WDR76: variants seen among roughly 807,000 people sequenced by gnomAD.
WDR76 encodes WD repeat-containing protein 76.
In WDR76, 52 loss-of-function variants were observed where a neutral mutation model predicts 70.2. The ratio of observed to expected loss-of-function variants is 0.74; its 90% CI spans 0.59 to 0.93. The LOEUF is 0.93. Ranked by LOEUF, WDR76 falls within the 40% of genes least tolerant of loss-of-function variation. WDR76 has a pLI of 0.00. For synonymous variants in WDR76, 292 were observed against 271.1 expected, an observed-to-expected ratio of 1.08 and a Z score of -0.76; for missense variants, 756 against 760.2, an observed-to-expected ratio of 0.99 and a Z score of 0.07.
chr15:43,833,179 T>C (rs1192327942), intron 2 of WDR76, among the ~76,000 whole-genome samples: 1 of 152,108 alleles, frequency 6.6e-6, no homozygotes, highest in Non-Finnish European at 1.5e-5. Context: ...ACTATTATTT[T>C]TTAGAGATGG....
At chr15:43,837,207 T>C (rs1346729513) in intron 4 of WDR76, among the ~76,000 whole-genome samples, 1 of 152,226 alleles carries the variant, frequency 6.6e-6, no homozygotes, top group Non-Finnish European at 1.5e-5. Context: ...TTGGTATCAT[T>C]AGCTCATTTG....
Position 43,866,542 on chromosome 15 carries a change from T to C in WDR76, c.*150T>C. ...AATAAGACTATAAGAAGAGTGTACT[T>C]TTAGTAAGGGAGAAGTCTTGGAGGG... On this transcript the variant is annotated 3_prime_UTR_variant, in exon 13 of 13. Transcript: ENST00000263795. 1 of 952,336 alleles carries C rather than the reference T, an allele frequency of 1.1e-6. No homozygotes were observed. The allele number at this position is 952,336 out of a possible 1,614,324, so 59.0% of individuals were successfully genotyped here. A position where few individuals can be genotyped will look rare whatever the true frequency, so the allele number is the denominator to read the frequency against.
At chr15:43,851,877 C>T (rs2087864271) in intron 9 of WDR76, among the ~76,000 whole-genome samples, 1 of 151,810 alleles carries the variant, frequency 6.6e-6, no homozygotes, top group African/African-American at 2.4e-5. Context: ...CAAGATCAGC[C>T]TGGGCAACAT....
At chr15:43,861,519 C>A in intron 12 of WDR76, 133 bp downstream of exon 12, 1 of 895,762 alleles carries the variant, frequency 1.1e-6, no homozygotes, top group Non-Finnish European at 1.7e-6. Context: ...ATAAGTGTCC[C>A]AGTTTGCTAG....
rs1298489184 is a variant in WDR76, at chr15:43,852,662, T to G, written c.1191+1417T>G. Reference sequence around the variant, plus strand: ...TGGGATTACAGCGTGAGCCACTGTGTGTGGTCAGATTTGCCTCTTCTGGAC... The same window carrying G: ...TGGGATTACAGCGTGAGCCACTGTGGGTGGTCAGATTTGCCTCTTCTGGAC... On this transcript the variant is annotated intron_variant, in intron 9 of 12. Coordinates refer to ENST00000263795, the MANE Select transcript of WDR76 (RefSeq NM_024908.4). 2.6e-5 allele frequency among the ~76,000 whole-genome samples: 4 copies of G among 151,950 alleles called. No individual in the cohort carries two copies. In the East Asian group the frequency reaches 7.7e-4, roughly 29 times the overall value.
chr15:43,853,416 C>G (rs1396081890), intron 9 of WDR76, among the ~76,000 whole-genome samples: 1 of 151,884 alleles, frequency 6.6e-6, no homozygotes, highest in African/African-American at 2.4e-5. Context: ...GTCTCAAACT[C>G]CTGAGCTCAA....
At chr15:43,862,464 C>T (rs1201162939) in intron 12 of WDR76, among the ~76,000 whole-genome samples, 2 of 150,050 alleles carry the variant, frequency 1.3e-5, no homozygotes, top group Non-Finnish European at 3.0e-5. Context: ...ATTACAGGTG[C>T]ACGCCACCCT....
chr15:43,835,038 A>T, intron 2 of WDR76, 23 bp from the exon 3 acceptor site: 1 of 1,598,020 alleles, frequency 6.3e-7, no homozygotes. Context: ...AAGTAATGGA[A>T]TCTTTTTGGT....
intron 5 of WDR76, among the ~76,000 whole-genome samples, chr15:43,840,978 T>C (rs990537543): frequency 1.2e-4 from 18 of 151,590 alleles, no homozygotes; most frequent in Admixed American, 2.6e-4. Context: ...AAACCACAGT[T>C]TGTCAAACGA....
chr15:43,846,439 C>A (rs1475471528), intron 8 of WDR76, among the ~76,000 whole-genome samples: 9 of 148,996 alleles, frequency 6.0e-5, no homozygotes, highest in Non-Finnish European at 3.0e-5. Flanking sequence ...CATGTGCCAC[C>A]ACACCTGGCT....
At chr15:43,837,566 T>G (rs1379781664) in intron 4 of WDR76, among the ~76,000 whole-genome samples, 1 of 152,138 alleles carries the variant, frequency 6.6e-6, no homozygotes, top group Non-Finnish European at 1.5e-5. Context: ...CAAATTTGGG[T>G]TCAAGTTTTG....
At chr15:43,853,903 C>CAA (rs58460599) in intron 9 of WDR76, among the ~76,000 whole-genome samples, 36 of 107,954 alleles carry the variant, frequency 3.3e-4, no homozygotes, top group South Asian at 1.5e-3. Context: ...GAGACTGTCT[C>CAA]AAAAAAAAAA....
At chr15:43,829,255 A>C (rs2087557377) in intron 2 of WDR76, among the ~76,000 whole-genome samples, 1 of 152,152 alleles carries the variant, frequency 6.6e-6, no homozygotes, top group Admixed American at 6.6e-5. Flanking sequence ...GCTCCATTCA[A>C]AGTGACAAAT....
chr15:43,861,060 A>C (rs984243940), intron 11 of WDR76, among the ~76,000 whole-genome samples: 5 of 151,680 alleles, frequency 3.3e-5, no homozygotes, highest in African/African-American at 1.2e-4. Context: ...AGCTCGGACT[A>C]CAGGCATGTG....
chr15:43,837,376 T>C (rs1328060480), intron 4 of WDR76, among the ~76,000 whole-genome samples: 2 of 152,218 alleles, frequency 1.3e-5, no homozygotes, highest in African/African-American at 4.8e-5. Context: ...GGAAAAACAG[T>C]AGCACTGGTC....
At chr15:43,863,563 A>ATTTT (rs1567194190) in intron 12 of WDR76, among the ~76,000 whole-genome samples, 14 of 150,912 alleles carry the variant, frequency 9.3e-5, no homozygotes, top group South Asian at 2.1e-4. Flanking sequence ...CTTTTTTAAA[A>ATTTT]AAAAAAAAAA....
chr15:43,851,069 C>G lies in WDR76; in HGVS notation c.1033-18C>G, dbSNP rs769352114. On this transcript the variant is annotated intron_variant, in intron 8 of 12. Transcript: ENST00000263795. ...ACTAGTTTTTTTCTCTCTCCCCTTT[C>G]CCGCAACTCTCTTCCAGACCCAGCA... is the stretch of plus-strand genomic sequence containing the variant. 13 of 1,611,376 alleles carry G rather than the reference C, an allele frequency of 8.1e-6. No homozygotes were observed. In the African/African-American group the frequency reaches 1.6e-4, roughly 20 times the overall value.
chr15:43,865,463 G>A (rs2088059473), intron 12 of WDR76, among the ~76,000 whole-genome samples: 1 of 152,150 alleles, frequency 6.6e-6, no homozygotes, highest in Admixed American at 6.6e-5. Flanking sequence ...AGTAGAGACG[G>A]GGTTTCACCA....
chr15:43,861,360 T>C lies in WDR76; in HGVS notation c.1590T>C (p.Ser530=), dbSNP rs747151741. The C allele has an allele frequency of 6.2e-7, 1 of 1,614,072 alleles. No individual in the cohort carries two copies. The highest frequency in any genetic ancestry group is 2.2e-5 in the East Asian group (1 of 44,868). ...LRIFDSSCIS[S]KIPLLTTIRH... ...TTTTTGACAGCAGCTGTATATCTTC[T>C]AAGATTCCGCTCCTCACCACCATCA... The change falls in exon 12 of 13, where the codon TCT becomes TCC. Residue 530 remains serine, a synonymous_variant. Transcript: ENST00000263795.
Sources: gnomAD v4.1 joint callset for allele counts (sites outside exome capture counted in the v4.1 genomes callset) on GRCh38, gnomAD v4.1.1 for gene constraint, MANE v1.5 for transcripts, NCBI Gene and HGNC (gene_info 2026-07-23, HGNC 2026-07-21) for gene names.